Variants in TENT2 observed in about 807,000 individuals in gnomAD.
TENT2 encodes the protein terminal nucleotidyltransferase 2.
A neutral mutation model predicts 72.2 loss-of-function variants in TENT2; 44 were observed. The observed-to-expected ratio is 0.61, with a 90% CI of 0.48 to 0.78. TENT2 has a LOEUF of 0.78. Among genes scored for constraint, TENT2 ranks in the 30% least tolerant of loss-of-function variants. TENT2 has a pLI of 0.00. For synonymous variants in TENT2, 212 were observed against 192.5 expected (o/e 1.10, Z -0.84); for missense variants, 541 against 569.6 (o/e 0.95, Z 0.51).
chr5:79,654,763 C>CAA (rs60829850), intron 10 of TENT2, among the ~76,000 whole-genome samples: 16 of 145,722 alleles, frequency 1.1e-4, no homozygotes, highest in African/African-American at 3.5e-4. Flanking sequence ...GACCCTGTCT[C>CAA]AAAAAAAAAA....
intron 12 of TENT2, among the ~76,000 whole-genome samples, chr5:79,678,805 TAGA>T (rs1480470336): frequency 6.6e-6 from 1 of 152,240 alleles, no homozygotes; most frequent in Non-Finnish European, 1.5e-5. Context: ...AAGATAACAC[TAGA>T]AGATTACTTC....
At chr5:79,681,829 CATAA>C (rs1580698868) in intron 13 of TENT2, 149 bp from the exon 14 acceptor site, 1 of 573,034 alleles carries the variant, frequency 1.7e-6, no homozygotes, top group African/African-American at 1.9e-5. Flanking sequence ...TTTCTGTATA[CATAA>C]ATCTAATAAA....
At chr5:79,639,013 G>A (rs1262667124) in intron 4 of TENT2, among the ~76,000 whole-genome samples, 8 of 152,188 alleles carry the variant, frequency 5.3e-5, no homozygotes, top group Non-Finnish European at 8.8e-5. Context: ...GTCCTAGAGA[G>A]GGAGAGATTA....
At chr5:79,675,866 T>G (rs1185418677) in intron 12 of TENT2, among the ~76,000 whole-genome samples, 2 of 152,064 alleles carry the variant, frequency 1.3e-5, no homozygotes, top group Non-Finnish European at 2.9e-5. Context: ...GAAAAAGGAT[T>G]TGGGAAAGAA....
chr5:79,620,816 T>A (rs191601765), intron 3 of TENT2, among the ~76,000 whole-genome samples: 24 of 152,310 alleles, frequency 1.6e-4, no homozygotes. Flanking sequence ...AAACTTTATG[T>A]TTTTCTTTTG....
chr5:79,634,079 C>T (rs1778039651), intron 4 of TENT2, among the ~76,000 whole-genome samples: 1 of 148,776 alleles, frequency 6.7e-6, no homozygotes, highest in African/African-American at 2.5e-5. Flanking sequence ...TGGCATGAAC[C>T]TGGAAGGCGG....
chr5:79,660,178 A>G (rs1801680694), intron 11 of TENT2, among the ~76,000 whole-genome samples: 1 of 152,046 alleles, frequency 6.6e-6, no homozygotes. Flanking sequence ...TGTGATATGA[A>G]AGGGATAAAA....
chr5:79,685,488 A>G lies in TENT2; in HGVS notation c.*215A>G, dbSNP rs1375161541. 1 of 376,312 alleles carries G rather than the reference A, an allele frequency of 2.7e-6. No individual in the cohort carries two copies. The highest frequency in any genetic ancestry group is 5.1e-5 in the East Asian group (1 of 19,544). The allele number at this position is 376,312 out of a possible 1,614,324, so 23.3% of individuals were successfully genotyped here. ...TGTATTTTTAAAAATGTTTACATTG[A>G]TGATGAGTAATATTGCATGTGTTTT... On this transcript the variant is annotated 3_prime_UTR_variant, in exon 15 of 15. Transcript: ENST00000453514.
At chr5:79,649,226 T>G (rs1453716913) in intron 10 of TENT2, 36 bp downstream of exon 10, 1 of 1,583,274 alleles carries the variant, frequency 6.3e-7, no homozygotes, top group Non-Finnish European at 8.7e-7. Flanking sequence ...TTTTTAAAAG[T>G]AAAAGACAGC....
chr5:79,673,207 T>C, intron 12 of TENT2, among the ~76,000 whole-genome samples: 1 of 152,224 alleles, frequency 6.6e-6, no homozygotes, highest in Non-Finnish European at 1.5e-5. Context: ...CTTTGTGAGA[T>C]GAGTAGTTTG....
intron 9 of TENT2, 87 bp from the exon 10 acceptor site, chr5:79,648,975 T>G: frequency 7.1e-7 from 1 of 1,402,088 alleles, no homozygotes; most frequent in African/African-American, 1.4e-5. Flanking sequence ...CAGTGTTCTT[T>G]GTTTTGGTAT....
At chr5:79,619,232 G>A (rs1003863816) in intron 1 of TENT2, among the ~76,000 whole-genome samples, 1 of 152,150 alleles carries the variant, frequency 6.6e-6, no homozygotes, top group Non-Finnish European at 1.5e-5. Flanking sequence ...TAGGAATCAG[G>A]ATGTCATGTG....
At chr5:79,674,014 CAG>C (rs908663471) in intron 12 of TENT2, among the ~76,000 whole-genome samples, 1 of 152,174 alleles carries the variant, frequency 6.6e-6, no homozygotes, top group Non-Finnish European at 1.5e-5. Context: ...ACACAATAAA[CAG>C]AGAGACAGAC....
chr5:79,652,944 G>A (rs1348466634), intron 10 of TENT2, among the ~76,000 whole-genome samples: 1 of 151,640 alleles, frequency 6.6e-6, no homozygotes, highest in Admixed American at 6.6e-5. Flanking sequence ...CATTAAAAAT[G>A]GAATAGGATT....
At chr5:79,679,155 C>T (rs1390343089) in intron 12 of TENT2, among the ~76,000 whole-genome samples, 3 of 152,072 alleles carry the variant, frequency 2.0e-5, no homozygotes, top group Non-Finnish European at 2.9e-5. Context: ...CCACCTGCCT[C>T]AGCCTCCCAA....
At chr5:79,623,618 T>G in intron 4 of TENT2, 129 bp downstream of exon 4, 1 of 543,700 alleles carries the variant, frequency 1.8e-6, no homozygotes, top group Non-Finnish European at 3.0e-6. Context: ...AAAGTACTAT[T>G]CAGCCTAATT....
rs978189138 is a variant in TENT2 at position 79,685,481 on chromosome 5, T to G, written c.*208T>G. 1.5e-5 allele frequency: 6 copies of G among 393,704 alleles called. No homozygotes were observed. The highest frequency in any genetic ancestry group is 2.7e-5 in the Non-Finnish European group (6 of 224,442). 24.4% of individuals were successfully genotyped at this position (393,704 alleles called of 1,614,324 possible). A position where few individuals can be genotyped will look rare whatever the true frequency, so the allele number is the denominator to read the frequency against. ...TTAAAAATGTATTTTTAAAAATGTT[T>G]ACATTGATGATGAGTAATATTGCAT... On this transcript the variant is annotated 3_prime_UTR_variant, in exon 15 of 15. Coordinates refer to ENST00000453514, the MANE Select transcript of TENT2 (RefSeq NM_001114394.3).
At chr5:79,668,339 C>CAA (rs1367735468) in intron 11 of TENT2, among the ~76,000 whole-genome samples, 2 of 152,052 alleles carry the variant, frequency 1.3e-5, no homozygotes, top group Non-Finnish European at 2.9e-5. Context: ...TCAGGTTGAA[C>CAA]ATCTCTCTTC....
chr5:79,665,416 A>T (rs1010170594), intron 11 of TENT2, among the ~76,000 whole-genome samples: 37 of 152,326 alleles, frequency 2.4e-4, no homozygotes, highest in African/African-American at 8.7e-4. Context: ...CTTTGAAGGT[A>T]ACGTAAGATA....
Sources: allele counts gnomAD v4.1 joint callset (sites outside exome capture counted in the v4.1 genomes callset), GRCh38; gene constraint gnomAD v4.1.1; transcripts MANE v1.5; gene names NCBI Gene and HGNC (gene_info 2026-07-23, HGNC 2026-07-21).